RSU1: variants seen among roughly 807,000 people sequenced by gnomAD.
The protein encoded by RSU1 is rsu-1.
RSU1 carries 26 observed loss-of-function variants against 31.1 expected under a neutral mutation model. That is an observed-to-expected ratio of 0.84 (90% confidence interval 0.61 to 1.16). RSU1 has a LOEUF of 1.16. RSU1 is among the 50% of genes most tolerant of loss of function. The probability of loss-of-function intolerance (pLI) is 0.00; values close to 1 mark genes in which losing one functional copy is unlikely to be tolerated. For missense variants in RSU1, 320 were observed against 339.1 expected (o/e 0.94, Z 0.44); for synonymous variants, 164 against 136.3 (o/e 1.20, Z -1.41).
At chr10:16,714,046 G>A (rs1049557888) in intron 7 of RSU1, among the ~76,000 whole-genome samples, 2 of 152,154 alleles carry the variant, frequency 1.3e-5, no homozygotes, top group Non-Finnish European at 1.5e-5. Context: ...GGGGTGTTGG[G>A]CTGGCTGTTG....
intron 7 of RSU1, among the ~76,000 whole-genome samples, chr10:16,727,478 C>A (rs1836422645): frequency 6.6e-6 from 1 of 152,092 alleles, no homozygotes; most frequent in Non-Finnish European, 1.5e-5. Flanking sequence ...ATTGCCGCTA[C>A]CAATATGCAA....
At chr10:16,741,608 G>A (rs2131610716) in intron 7 of RSU1, among the ~76,000 whole-genome samples, 1 of 152,288 alleles carries the variant, frequency 6.6e-6, no homozygotes, top group South Asian at 2.1e-4. Context: ...CGGCTCATGA[G>A]TGAGTGAGGG....
chr10:16,661,239 A>G (rs576143522), intron 8 of RSU1, among the ~76,000 whole-genome samples: 1 of 149,668 alleles, frequency 6.7e-6, no homozygotes, highest in African/African-American at 2.5e-5. Context: ...CCTGTTTGGT[A>G]ATTTTTCATT....
chr10:16,699,881 A>G (rs1835752651), intron 7 of RSU1, among the ~76,000 whole-genome samples: 2 of 152,180 alleles, frequency 1.3e-5, no homozygotes. Context: ...TGCAAATTGG[A>G]TTTTCCATTT....
intron 8 of RSU1, among the ~76,000 whole-genome samples, chr10:16,640,198 T>G (rs568434509): frequency 6.6e-6 from 1 of 152,112 alleles, no homozygotes; most frequent in Non-Finnish European, 1.5e-5. Context: ...TCATTTAGAA[T>G]TGCATTTTTA....
intron 8 of RSU1, among the ~76,000 whole-genome samples, chr10:16,679,758 T>A (rs1393036242): frequency 1.3e-5 from 2 of 151,824 alleles, no homozygotes; most frequent in Non-Finnish European, 2.9e-5. Context: ...AGCTCCCACG[T>A]GGCCCACCAT....
At chr10:16,734,706 A>G (rs570230534) in intron 7 of RSU1, among the ~76,000 whole-genome samples, 2 of 152,370 alleles carry the variant, frequency 1.3e-5, no homozygotes, top group South Asian at 4.1e-4. Flanking sequence ...ACAGTATCAC[A>G]GGATATCAAG....
chr10:16,715,228 T>A (rs905247283), intron 7 of RSU1, among the ~76,000 whole-genome samples: 19 of 152,248 alleles, frequency 1.2e-4, no homozygotes, highest in African/African-American at 4.3e-4. Flanking sequence ...ACTAGGCAAC[T>A]CTCATTGGCC....
In RSU1 at chr10:16,705,146, T is replaced by C. The variant is rs115468216; in HGVS notation, c.599-9991A>G. 7.5e-3 allele frequency among the ~76,000 whole-genome samples: 1,142 copies of C among 152,302 alleles called. 13 individuals are homozygous for C. The highest frequency in any genetic ancestry group is 0.026 in the African/African-American group (1,076 of 41,564). On this transcript the variant is annotated intron_variant, in intron 7 of 8. Transcript: ENST00000345264. ...GCATTTTTTCTTTTGGACTGGCTTATTTCACTTCATATAATTTCCTCAAGG... is the reference window on the plus strand; with the variant it reads ...GCATTTTTTCTTTTGGACTGGCTTACTTCACTTCATATAATTTCCTCAAGG...
intron 7 of RSU1, among the ~76,000 whole-genome samples, chr10:16,700,775 A>T (rs980859222): frequency 2.6e-5 from 4 of 152,188 alleles, no homozygotes; most frequent in Admixed American, 2.0e-4. Context: ...AACAACCGGA[A>T]ATTTCATTAC....
At chr10:16,741,228 C>T (rs902216979) in intron 7 of RSU1, among the ~76,000 whole-genome samples, 3 of 152,170 alleles carry the variant, frequency 2.0e-5, no homozygotes, top group Admixed American at 2.0e-4. Context: ...GTCTTTTCTA[C>T]ACATGGTGCT....
chr10:16,594,228 T>C (rs963388637), intron 8 of RSU1, among the ~76,000 whole-genome samples: 2 of 152,122 alleles, frequency 1.3e-5, no homozygotes, highest in Non-Finnish European at 2.9e-5. Context: ...GCCTGGTGGG[T>C]GTCTCAGGTC....
At chr10:16,640,356 C>T (rs1001193269) in intron 8 of RSU1, among the ~76,000 whole-genome samples, 3 of 152,078 alleles carry the variant, frequency 2.0e-5, no homozygotes, top group African/African-American at 7.2e-5. Context: ...CTTCATCATC[C>T]CCCTGGTCTG....
chr10:16,773,207 AG>A (rs1408526829), intron 3 of RSU1, among the ~76,000 whole-genome samples: 1 of 149,848 alleles, frequency 6.7e-6, no homozygotes, highest in Non-Finnish European at 1.5e-5. Flanking sequence ...TCAAAAAAAA[AG>A]AAAAAAAAAA....
intron 2 of RSU1, among the ~76,000 whole-genome samples, chr10:16,790,197 G>C (rs1837882689): frequency 6.6e-6 from 1 of 152,152 alleles, no homozygotes; most frequent in African/African-American, 2.4e-5. Flanking sequence ...GACTCACGCA[G>C]GCACTTATTG....
intron 2 of RSU1, among the ~76,000 whole-genome samples, chr10:16,793,652 C>G (rs1261880527): frequency 6.6e-6 from 1 of 152,062 alleles, no homozygotes; most frequent in African/African-American, 2.4e-5. Flanking sequence ...TATGCAGTCA[C>G]TGGATGGTAT....
intron 8 of RSU1, among the ~76,000 whole-genome samples, chr10:16,626,539 G>T (rs898817383): frequency 1.3e-5 from 2 of 152,192 alleles, no homozygotes; most frequent in Non-Finnish European, 2.9e-5. Context: ...CTGTGGCAAT[G>T]TTGGCCTGTC....
At chr10:16,779,672 G>A (rs56317038) in intron 3 of RSU1, among the ~76,000 whole-genome samples, 7,348 of 152,212 alleles carry the variant, frequency 0.048, 585 homozygotes, top group African/African-American at 0.17. Context: ...TTAATGTGGC[G>A]TTGTCAGCTG....
In RSU1 at chr10:16,705,120, A is replaced by G. The variant is rs150461209; in HGVS notation, c.599-9965T>C. ...GTATCTCATATACATGGAATAACACAGCATTTTTTCTTTTGGACTGGCTTA... is the reference window on the plus strand; with the variant it reads ...GTATCTCATATACATGGAATAACACGGCATTTTTTCTTTTGGACTGGCTTA... On this transcript the variant is annotated intron_variant, in intron 7 of 8. Transcript: ENST00000345264. Among the ~76,000 whole-genome samples, 75 of 152,320 alleles carry G rather than the reference A, an allele frequency of 4.9e-4. No individual in the cohort carries two copies. In the East Asian group the frequency reaches 9.4e-3, roughly 19 times the overall value.
Sources: allele counts gnomAD v4.1 joint callset (sites outside exome capture counted in the v4.1 genomes callset), GRCh38; gene constraint gnomAD v4.1.1; transcripts MANE v1.5; gene names NCBI Gene and HGNC (gene_info 2026-07-23, HGNC 2026-07-21).